RAPGEF5: variants seen among roughly 807,000 people sequenced by gnomAD.
RAPGEF5 encodes Rap guanine nucleotide exchange factor 5, also known as M-Ras-regulated GEF.
RAPGEF5 carries 65 observed loss-of-function variants against 125.2 expected under a neutral mutation model. The ratio of observed to expected loss-of-function variants is 0.52; its 90% CI spans 0.43 to 0.64. The LOEUF (loss-of-function observed/expected upper bound fraction) is 0.64. RAPGEF5 is among the 30% of genes least tolerant of loss of function. The probability of loss-of-function intolerance (pLI) is 0.00; values close to 1 mark genes in which losing one functional copy is unlikely to be tolerated. For missense variants in RAPGEF5, 958 were observed against 1,048.1 expected (o/e 0.91, Z 1.19); for synonymous variants, 391 against 385.9 (o/e 1.01, Z -0.16).
Position 22,193,920 on chromosome 7 carries a change from A to G in RAPGEF5, c.1110T>C (p.His370=), listed in dbSNP as rs766526519. 27 of 1,613,546 alleles carry G rather than the reference A, an allele frequency of 1.7e-5. No homozygotes were observed. The highest frequency in any genetic ancestry group is 2.2e-5 in the Non-Finnish European group (26 of 1,179,796). Residue 370 remains histidine (H), a synonymous_variant, in exon 10 of 26, where the codon CAT becomes CAC. Transcript: ENST00000665637. ...PAPTAGSAES[H]WRYVVVSGTP... ...GGCTGCAGGGAAACTCTCACCTCCA[A>G]TGGCTCTCCGCACTCCCAGCTGTGG...
At chr7:22,303,813 T>C (rs1443337009) in intron 5 of RAPGEF5, among the ~76,000 whole-genome samples, 1 of 152,218 alleles carries the variant, frequency 6.6e-6, no homozygotes, top group African/African-American at 2.4e-5. Flanking sequence ...CTGAAAGCAG[T>C]AGCAACATGG....
intron 18 of RAPGEF5, among the ~76,000 whole-genome samples, chr7:22,148,697 G>A (rs73077695): frequency 6.6e-6 from 1 of 152,274 alleles, no homozygotes; most frequent in Non-Finnish European, 1.5e-5. Context: ...TCAAGGCATT[G>A]CCCAGGCCTG....
At chr7:22,343,307 G>A (rs1164606139) in intron 1 of RAPGEF5, among the ~76,000 whole-genome samples, 2 of 152,120 alleles carry the variant, frequency 1.3e-5, no homozygotes, top group Non-Finnish European at 1.5e-5. Flanking sequence ...ACAACACATG[G>A]TAATTCAAGA....
Position 22,318,031 on chromosome 7 carries a change from A to T in RAPGEF5, c.238T>A (p.Ser80Thr). ...KRSAAGGRTL[S>T]RRISNPYLEH... is the part of the protein sequence containing the mutation. The stretch of plus-strand genomic sequence containing the variant: ...AGGTACGGATTAGATATTCTTCTTG[A>T]TAGAGTCTATTTTAAACAAAGAAAA... Residue 80 changes from serine (S) to threonine (T), a missense_variant, in exon 2 of 26, where the codon TCA becomes ACA. Transcript: ENST00000665637. 1 of 1,539,866 alleles carries T rather than the reference A, an allele frequency of 6.5e-7. No homozygotes were observed. Among genetic ancestry groups the T allele is most frequent in the Non-Finnish European group, 8.7e-7 (1 of 1,144,158 alleles).
intron 1 of RAPGEF5, among the ~76,000 whole-genome samples, chr7:22,320,121 CTT>C (rs1446953519): frequency 1.3e-5 from 2 of 152,192 alleles, no homozygotes; most frequent in East Asian, 1.9e-4. Context: ...TAATAACTGT[CTT>C]TTACAGGACA....
At chr7:22,154,779 T>TGCAAGC (rs1562723366) in intron 16 of RAPGEF5, among the ~76,000 whole-genome samples, 175 bp from the exon 17 acceptor site, 8 of 152,212 alleles carry the variant, frequency 5.3e-5, no homozygotes, top group Admixed American at 3.3e-4. Context: ...CCTGAGGGTA[T>TGCAAGC]ACGTCTATAA....
rs1358777985 is a variant in RAPGEF5, at chr7:22,147,552, T to C, written c.1885-533A>G. Among the ~76,000 whole-genome samples, 3 of 152,202 alleles carry C rather than the reference T, an allele frequency of 2.0e-5. No individual in the cohort carries two copies. The East Asian group carries it at 5.8e-4, about 29-fold the overall frequency. On this transcript the variant is annotated intron_variant, in intron 18 of 25. Transcript: ENST00000665637. The stretch of plus-strand genomic sequence containing the variant: ...AAAAGTTTTAACATGAAATAAAAAA[T>C]AGAAATTATTTCATTTATATCCCAT...
chr7:22,227,535 T>A (rs1308175010), intron 8 of RAPGEF5, among the ~76,000 whole-genome samples: 1 of 152,110 alleles, frequency 6.6e-6, no homozygotes, highest in African/African-American at 2.4e-5. Flanking sequence ...TTTCCAAAGT[T>A]CAATATATTA....
At chr7:22,318,913 A>G (rs1783658398) in intron 1 of RAPGEF5, among the ~76,000 whole-genome samples, 1 of 151,114 alleles carries the variant, frequency 6.6e-6, no homozygotes, top group Admixed American at 6.6e-5. Context: ...TCCTTGAGGG[A>G]GGGCTGGCAG....
intron 1 of RAPGEF5, among the ~76,000 whole-genome samples, chr7:22,326,365 A>G (rs778399376): frequency 6.6e-6 from 1 of 152,240 alleles, no homozygotes; most frequent in South Asian, 2.1e-4. Flanking sequence ...TGTTTCATAA[A>G]TAAAGTTTTA....
intron 11 of RAPGEF5, among the ~76,000 whole-genome samples, chr7:22,170,802 A>T (rs1462251667): frequency 1.3e-5 from 2 of 152,202 alleles, no homozygotes; most frequent in African/African-American, 4.8e-5. Context: ...ATTCAACAGC[A>T]TTTACCTAAT....
Position 22,154,443 on chromosome 7 carries a change from A to T in RAPGEF5, c.1786+12T>A, listed in dbSNP as rs776814978. 27 of 1,612,968 alleles carry T rather than the reference A, an allele frequency of 1.7e-5. No homozygotes were observed. In the African/African-American group the frequency reaches 3.1e-4, roughly 18 times the overall value. ...GTGAAAGATTAATATTCAAGGGTAG[A>T]AAACAACTTACCCCCAGAGAATGTG... On this transcript the variant is annotated intron_variant, in intron 17 of 25. Coordinates refer to ENST00000665637, the MANE Select transcript of RAPGEF5 (RefSeq NM_012294.5).
At chr7:22,315,547 CTATA>C (rs5882843) in intron 2 of RAPGEF5, 71 bp from the exon 3 acceptor site, 7,415 of 402,150 alleles carry the variant, frequency 0.018, 14 homozygotes, top group East Asian at 0.059. Context: ...CAATAGCATA[CTATA>C]TATATATATA....
At position 22,168,047 on chromosome 7, in the gene RAPGEF5, C is replaced by A. The variant is rs534426973; in HGVS notation, c.1205-899G>T. Among the ~76,000 whole-genome samples, 26 of 152,088 alleles carry A rather than the reference C, an allele frequency of 1.7e-4. 1 individual carries two copies. In the South Asian group the frequency reaches 5.4e-3, roughly 32 times the overall value. On this transcript the variant is annotated intron_variant, in intron 11 of 25. Coordinates refer to ENST00000665637, the MANE Select transcript of RAPGEF5 (RefSeq NM_012294.5). ...TTCATCTTTTACATTCCAGACATCA[C>A]ATTTTTAGTTATATAAAACAGTAAT... is the stretch of plus-strand genomic sequence containing the variant.
chr7:22,268,705 AT>A lies in RAPGEF5; in HGVS notation c.748-1694del, dbSNP rs1782345228. 2.0e-5 allele frequency among the ~76,000 whole-genome samples: 3 copies of A among 152,322 alleles called. No individual in the cohort carries two copies. The South Asian group carries it at 6.2e-4, about 32-fold the overall frequency. On this transcript the variant is annotated intron_variant, in intron 6 of 25. Transcript: ENST00000665637. ...AGATGGAAAATCATGCACGAGGTGG[AT>A]CACTTAATTTGCTCACAACGGATCG...
intron 15 of RAPGEF5, among the ~76,000 whole-genome samples, chr7:22,157,559 A>G (rs1178483338): frequency 6.6e-6 from 1 of 152,346 alleles, no homozygotes; most frequent in Admixed American, 6.5e-5. Context: ...TGACATAAAC[A>G]TTATTCAAAT....
chr7:22,286,415 A>G (rs1782798472), intron 6 of RAPGEF5, among the ~76,000 whole-genome samples: 2 of 152,214 alleles, frequency 1.3e-5, no homozygotes, highest in African/African-American at 4.8e-5. Context: ...AAAAGTCACA[A>G]ATTTCATTCA....
At chr7:22,255,161 T>C (rs572729689) in intron 7 of RAPGEF5, among the ~76,000 whole-genome samples, 145 of 152,320 alleles carry the variant, frequency 9.5e-4, no homozygotes, top group South Asian at 6.6e-3. Flanking sequence ...TAAGGTCATA[T>C]AGGATACATT....
At chr7:22,272,446 C>G (rs17146488) in intron 6 of RAPGEF5, among the ~76,000 whole-genome samples, 1 of 151,164 alleles carries the variant, frequency 6.6e-6, no homozygotes, top group African/African-American at 2.4e-5. Flanking sequence ...GTTACCAAAG[C>G]GTTGTCCTTA....
Sources: allele counts gnomAD v4.1 joint callset (sites outside exome capture counted in the v4.1 genomes callset), GRCh38; gene constraint gnomAD v4.1.1; transcripts MANE v1.5; gene names NCBI Gene and HGNC (gene_info 2026-07-23, HGNC 2026-07-21).